Variants in TMEM135 observed in about 807,000 individuals in gnomAD.
TMEM135 encodes the protein peroxisomal membrane protein 52.
Under a neutral mutation model 60.3 loss-of-function variants are expected in TMEM135, and 30 were observed. That is an observed-to-expected ratio of 0.50 (90% confidence interval 0.37 to 0.68). TMEM135 has a LOEUF of 0.68. TMEM135 is among the 30% of genes least tolerant of loss of function. The probability of loss-of-function intolerance (pLI) is 0.00; values close to 1 mark genes in which losing one functional copy is unlikely to be tolerated. For missense variants in TMEM135, 468 were observed against 548.8 expected (o/e 0.85, Z 1.47); for synonymous variants, 190 against 186.7 (o/e 1.02, Z -0.14).
intron 6 of TMEM135, among the ~76,000 whole-genome samples, chr11:87,283,333 C>CAA (rs372137194): frequency 2.1e-5 from 2 of 96,184 alleles, no homozygotes; most frequent in South Asian, 3.1e-4. Context: ...AATTCCATCT[C>CAA]AAAAAAAAAA....
chr11:87,139,688 A>G (rs1938210852), intron 4 of TMEM135, among the ~76,000 whole-genome samples: 1 of 152,184 alleles, frequency 6.6e-6, no homozygotes, highest in Non-Finnish European at 1.5e-5. Context: ...GAGTTCCAGT[A>G]TCTCCATATT....
intron 5 of TMEM135, among the ~76,000 whole-genome samples, chr11:87,232,112 G>A (rs530964918): frequency 3.3e-4 from 50 of 152,066 alleles, no homozygotes; most frequent in Admixed American, 1.4e-3. Context: ...CATTATGACT[G>A]ACTAATTTTT....
intron 6 of TMEM135, among the ~76,000 whole-genome samples, chr11:87,291,950 C>G (rs1942273385): frequency 6.6e-6 from 1 of 152,180 alleles, no homozygotes; most frequent in Non-Finnish European, 1.5e-5. Context: ...AGACCACTCC[C>G]TCTCTCCACC....
intron 5 of TMEM135, among the ~76,000 whole-genome samples, chr11:87,188,323 C>G (rs148743857): frequency 3.9e-5 from 6 of 152,200 alleles, no homozygotes; most frequent in African/African-American, 1.4e-4. Flanking sequence ...AAGTTATAGC[C>G]TAGCTTTCTG....
At position 87,211,794 on chromosome 11, in the gene TMEM135, A is replaced by T. The variant is rs1316955561; in HGVS notation, c.463-24844A>T. On this transcript the variant is annotated intron_variant, in intron 5 of 14. Transcript: ENST00000305494. ...CCCGTCTCTACTAAAAATACAAAAAATTAGCTGGGCGTGGTGGCAGGCGCC... is the reference window on the plus strand; with the variant it reads ...CCCGTCTCTACTAAAAATACAAAAATTTAGCTGGGCGTGGTGGCAGGCGCC... 3.3e-5 allele frequency among the ~76,000 whole-genome samples: 5 copies of T among 152,216 alleles called. No homozygotes were observed. The East Asian group carries it at 9.7e-4, about 29-fold the overall frequency.
chr11:87,243,422 G>C (rs11235036), intron 6 of TMEM135, among the ~76,000 whole-genome samples: 41,522 of 90,396 alleles, frequency 0.46, 6,763 homozygotes, highest in Non-Finnish European at 0.52. Context: ...GGATGGCATT[G>C]AATCTATAAA....
At chr11:87,239,237 T>C (rs1036831525) in intron 6 of TMEM135, among the ~76,000 whole-genome samples, 3 of 152,052 alleles carry the variant, frequency 2.0e-5, no homozygotes, top group Non-Finnish European at 4.4e-5. Context: ...TAAACACTTT[T>C]AATTTTCTGA....
At chr11:87,116,743 CA>C (rs1857895426) in intron 4 of TMEM135, among the ~76,000 whole-genome samples, 1 of 151,762 alleles carries the variant, frequency 6.6e-6, no homozygotes, top group African/African-American at 2.4e-5. Context: ...TAAAATGATT[CA>C]CATGAATTAT....
At chr11:87,090,854 A>C (rs1355867542) in intron 3 of TMEM135, among the ~76,000 whole-genome samples, 1 of 152,158 alleles carries the variant, frequency 6.6e-6, no homozygotes, top group East Asian at 1.9e-4. Flanking sequence ...GTTTAAAATG[A>C]AATTAAAACC....
intron 1 of TMEM135, among the ~76,000 whole-genome samples, chr11:87,041,812 G>A (rs1343489340): frequency 6.6e-6 from 1 of 152,244 alleles, no homozygotes; most frequent in Non-Finnish European, 1.5e-5. Context: ...GTCTGCCAGA[G>A]AAGATGAAAG....
At chr11:87,131,408 TGGTGTATCCCTCACTAGA>T (rs960615325) in intron 4 of TMEM135, among the ~76,000 whole-genome samples, 2 of 114,654 alleles carry the variant, frequency 1.7e-5, no homozygotes, top group Non-Finnish European at 3.6e-5. Flanking sequence ...AATTGTTTGT[TGGTGTATCCCTCACTAGA>T]GTGTGGTCTG....
chr11:87,154,122 A>G (rs1287549393), intron 4 of TMEM135, among the ~76,000 whole-genome samples: 2 of 152,158 alleles, frequency 1.3e-5, no homozygotes, highest in Non-Finnish European at 2.9e-5. Flanking sequence ...TGTCCATCAT[A>G]TAGTGCCTCC....
intron 10 of TMEM135, among the ~76,000 whole-genome samples, chr11:87,312,311 T>G (rs565125897): frequency 6.6e-6 from 1 of 152,034 alleles, no homozygotes; most frequent in African/African-American, 2.4e-5. Flanking sequence ...ACATTTTTAA[T>G]GTATCAGCCA....
chr11:87,321,198 C>G lies in TMEM135; in HGVS notation c.1245-3C>G. Reference sequence around the variant, plus strand: ...CTTGTTTACTGTATTCTTTGTTTTACAGATTTGCTGTCATGAACCGAAAAG... The same window carrying G: ...CTTGTTTACTGTATTCTTTGTTTTAGAGATTTGCTGTCATGAACCGAAAAG... On this transcript the variant is annotated splice_region_variant and splice_polypyrimidine_tract_variant and intron_variant, in intron 14 of 14. Transcript: ENST00000305494. 6.2e-7 allele frequency: 1 copy of G among 1,611,510 alleles called. No individual in the cohort carries two copies. Among genetic ancestry groups the G allele is most frequent in the Non-Finnish European group, 8.5e-7 (1 of 1,177,878 alleles).
At position 87,166,802 on chromosome 11, in the gene TMEM135, C is replaced by G. The variant is rs1035564825; in HGVS notation, c.462+9396C>G. On this transcript the variant is annotated intron_variant, in intron 5 of 14. Coordinates refer to ENST00000305494, the MANE Select transcript of TMEM135 (RefSeq NM_022918.4). ...TGGCTATATGGGCTATTTTTTGGTTCCATATGAAATTTAAAGTAGTTTTTT... is the reference window on the plus strand; with the variant it reads ...TGGCTATATGGGCTATTTTTTGGTTGCATATGAAATTTAAAGTAGTTTTTT... Among the ~76,000 whole-genome samples, 6 of 151,728 alleles carry G rather than the reference C, an allele frequency of 4.0e-5. No homozygotes were observed. In the South Asian group the frequency reaches 8.3e-4, roughly 21 times the overall value.
chr11:87,170,043 A>G (rs1939188885), intron 5 of TMEM135, among the ~76,000 whole-genome samples: 1 of 90,042 alleles, frequency 1.1e-5, no homozygotes, highest in African/African-American at 4.3e-5. Flanking sequence ...GTTGATCTTC[A>G]GTCTCTGATA....
At chr11:87,276,978 T>TA (rs1307141242) in intron 6 of TMEM135, among the ~76,000 whole-genome samples, 1 of 151,438 alleles carries the variant, frequency 6.6e-6, no homozygotes, top group Non-Finnish European at 1.5e-5. Flanking sequence ...GGCTTTTTTT[T>TA]AAAAAATAAT....
At chr11:87,059,853 C>T (rs950664549) in intron 1 of TMEM135, among the ~76,000 whole-genome samples, 4 of 152,208 alleles carry the variant, frequency 2.6e-5, no homozygotes, top group Non-Finnish European at 4.4e-5. Context: ...TGGTGGCTCA[C>T]GCCTGTAATT....
chr11:87,256,393 G>A (rs1393295163), intron 6 of TMEM135, among the ~76,000 whole-genome samples: 8 of 152,074 alleles, frequency 5.3e-5, no homozygotes, highest in East Asian at 3.9e-4. Context: ...AGTTGGAAGC[G>A]GTTCGCTATG....
Sources: allele counts gnomAD v4.1 joint callset (sites outside exome capture counted in the v4.1 genomes callset), GRCh38; gene constraint gnomAD v4.1.1; transcripts MANE v1.5; gene names NCBI Gene and HGNC (gene_info 2026-07-23, HGNC 2026-07-21).